GPRC5B: variants seen among roughly 807,000 people sequenced by gnomAD.
GPRC5B encodes G protein-coupled receptor class C group 5 member B.
GPRC5B carries 16 observed loss-of-function variants against 30.1 expected under a neutral mutation model. The ratio of observed to expected loss-of-function variants is 0.53; its 90% CI spans 0.36 to 0.81. The LOEUF (loss-of-function observed/expected upper bound fraction) is 0.81, where lower values mean the gene tolerates loss of function less well. Ranked by LOEUF, GPRC5B falls within the 30% of genes least tolerant of loss-of-function variation. The pLI, the probability that GPRC5B is intolerant of heterozygous loss-of-function variation, is 0.01. For missense variants in GPRC5B, 428 were observed against 544.7 expected, an observed-to-expected ratio of 0.79 and a Z score of 2.13; for synonymous variants, 241 against 239.5, an observed-to-expected ratio of 1.01 and a Z score of -0.06.
chr16:19,872,333 C>T lies in GPRC5B; in HGVS notation c.513G>A (p.Leu171=). ...ACTCCACAGCGATGATGACTTGCAC[C>T]AGCATCAGGCACAGCGCCAGGCCCA... is the stretch of plus-strand genomic sequence containing the variant. The part of the protein sequence containing the change: ...QLVGLALCLM[L]VQVIIAVEWL... The change falls in exon 2 of 4, where the codon CTG becomes CTA. Residue 171 remains leucine, a synonymous_variant. Transcript: ENST00000300571. The surrounding 1 kb of genome is among the most constrained non-coding windows in gnomAD (Gnocchi z 5.0). The T allele has an allele frequency of 6.2e-7, 1 of 1,614,050 alleles. No homozygotes were observed. Among genetic ancestry groups the T allele is most frequent in the Non-Finnish European group, 8.5e-7 (1 of 1,180,026 alleles).
chr16:19,862,721 C>T (rs1204454256), intron 2 of GPRC5B, among the ~76,000 whole-genome samples: 3 of 152,158 alleles, frequency 2.0e-5, no homozygotes, highest in Non-Finnish European at 4.4e-5. Flanking sequence ...GAGTTCGAGA[C>T]CAGCCTGGCC....
Position 19,872,982 on chromosome 16 carries a change from GGA to G in GPRC5B, c.-1-138_-1-137del. On this transcript the variant is annotated intron_variant, in intron 1 of 3. Transcript: ENST00000300571. This position sits in a 1 kb window ranked among gnomAD's most constrained non-coding sequence, Gnocchi z 5.0. ...CGCACACGGCACCTTTGCACACATA[GGA>G]AAACGTGCTCCTTTCCTCAGGCACG... 1 of 645,840 alleles carries G rather than the reference GGA, an allele frequency of 1.5e-6. No individual in the cohort carries two copies. The highest frequency in any genetic ancestry group is 2.7e-6 in the Non-Finnish European group (1 of 373,006). The allele number at this position is 645,840 out of a possible 1,614,324, so 40.0% of individuals were successfully genotyped here.
At chr16:19,878,765 C>T (rs1396191511) in intron 1 of GPRC5B, among the ~76,000 whole-genome samples, 1 of 152,152 alleles carries the variant, frequency 6.6e-6, no homozygotes, top group African/African-American at 2.4e-5. Context: ...GGTCTCCAAA[C>T]CTCACACCAC....
chr16:19,866,519 C>T (rs1329578673), intron 2 of GPRC5B, among the ~76,000 whole-genome samples: 1 of 151,972 alleles, frequency 6.6e-6, no homozygotes, highest in Non-Finnish European at 1.5e-5. Flanking sequence ...CACCACCATG[C>T]CCAGCTATTT....
At chr16:19,877,358 C>T (rs192721371) in intron 1 of GPRC5B, among the ~76,000 whole-genome samples, 1 of 152,304 alleles carries the variant, frequency 6.6e-6, no homozygotes, top group Admixed American at 6.5e-5. Context: ...CCAGGAAGTC[C>T]TCCGTACCCA....
intron 2 of GPRC5B, 160 bp from the exon 3 acceptor site, chr16:19,862,133 G>C (rs2056630647): frequency 1.6e-6 from 1 of 635,570 alleles, no homozygotes; most frequent in African/African-American, 1.8e-5. Flanking sequence ...AGTCACAAAG[G>C]GGCTTTGTTC....
chr16:19,872,110 T>C lies in GPRC5B; in HGVS notation c.736A>G (p.Ile246Val), dbSNP rs1319580100. 4 of 1,614,036 alleles carry C rather than the reference T, an allele frequency of 2.5e-6. No homozygotes were observed. The highest frequency in any genetic ancestry group is 3.4e-6 in the Non-Finnish European group (4 of 1,179,982). Reference sequence around the variant, plus strand: ...TACATGGTCATCCAGGCCACCCAGATGAGCACAGAGAGGAAGGCTGTGATG... The same window carrying C: ...TACATGGTCATCCAGGCCACCCAGACGAGCACAGAGAGGAAGGCTGTGATG... The part of the protein sequence containing the change: ...LLITAFLSVL[I>V]WVAWMTMYLF... The change falls in exon 2 of 4, where the codon ATC becomes GTC. Residue 246 changes from isoleucine (I) to valine (V), a missense_variant. Physicochemically the swap from Ile to Val is conservative, Grantham distance 29. Coordinates refer to ENST00000300571, the MANE Select transcript of GPRC5B (RefSeq NM_016235.3). This position sits in a 1 kb window ranked among gnomAD's most constrained non-coding sequence, Gnocchi z 5.0.
Position 19,858,250 on chromosome 16 carries a change from G to T in GPRC5B, c.*2250C>A, listed in dbSNP as rs566023622. On this transcript the variant is annotated 3_prime_UTR_variant, in exon 4 of 4. Transcript: ENST00000300571. ...CCGCCTCCGCCCCCATTATGAAGGC[G>T]TTCAGCCCACTCTCAACCTTAAAAG... 102 of 381,740 alleles carry T rather than the reference G, an allele frequency of 2.7e-4. No homozygotes were observed. The highest frequency in any genetic ancestry group is 4.2e-4 in the Non-Finnish European group (90 of 216,212). The allele number at this position is 381,740 out of a possible 1,614,324, so 23.6% of individuals were successfully genotyped here.
chr16:19,868,243 A>G (rs983326320), intron 2 of GPRC5B, among the ~76,000 whole-genome samples: 2 of 151,892 alleles, frequency 1.3e-5, no homozygotes, highest in Non-Finnish European at 2.9e-5. Context: ...GTGTGGTGGC[A>G]CACGGCTATA....
chr16:19,880,159 AAAT>A (rs2056793212), intron 1 of GPRC5B, among the ~76,000 whole-genome samples: 1 of 150,938 alleles, frequency 6.6e-6, no homozygotes, highest in Admixed American at 6.6e-5. Flanking sequence ...AAAATAAAAT[AAAT>A]AATAATAAAA....
rs1245708600 is a variant in GPRC5B at position 19,864,496 on chromosome 16, T to A, written c.1031-2523A>T. 2.0e-5 allele frequency among the ~76,000 whole-genome samples: 3 copies of A among 152,384 alleles called. No individual in the cohort carries two copies. In the South Asian group the frequency reaches 6.2e-4, roughly 32 times the overall value. ...AGCAGCAGGTGGGTGAAGTTGTATC[T>A]ATCTGAGGTCTCACTCAGTGGAAGG... On this transcript the variant is annotated intron_variant, in intron 2 of 3. Coordinates refer to ENST00000300571, the MANE Select transcript of GPRC5B (RefSeq NM_016235.3).
Position 19,858,115 on chromosome 16 carries a change from G to T in GPRC5B, c.*2385C>A. 5.6e-6 allele frequency: 1 copy of T among 178,214 alleles called. No individual in the cohort carries two copies. The highest frequency in any genetic ancestry group is 1.2e-5 in the Non-Finnish European group (1 of 85,630). 11.0% of individuals were successfully genotyped at this position (178,214 alleles called of 1,614,324 possible). A position where few individuals can be genotyped will look rare whatever the true frequency, so the allele number is the denominator to read the frequency against. On this transcript the variant is annotated 3_prime_UTR_variant, in exon 4 of 4. Coordinates refer to ENST00000300571, the MANE Select transcript of GPRC5B (RefSeq NM_016235.3). The stretch of plus-strand genomic sequence containing the variant: ...CCATTTAATTTTGTCTTTAAACCTT[G>T]CTCCACGGGGGGCAGCTGGCTGCTA...
intron 3 of GPRC5B, among the ~76,000 whole-genome samples, chr16:19,861,463 G>A (rs1007925245): frequency 2.6e-5 from 4 of 152,120 alleles, no homozygotes; most frequent in African/African-American, 7.2e-5. Flanking sequence ...AGGGGTGACC[G>A]GGGACCTTAA....
chr16:19,881,805 C>T (rs2056808859), intron 1 of GPRC5B, among the ~76,000 whole-genome samples: 1 of 152,204 alleles, frequency 6.6e-6, no homozygotes, highest in Non-Finnish European at 1.5e-5. Context: ...TCATGATTCC[C>T]ATTTTCCTGT....
rs1360544339 is a variant in GPRC5B, at chr16:19,872,111, G to A, written c.735C>T (p.Leu245=). 1 of 1,613,982 alleles carries A rather than the reference G, an allele frequency of 6.2e-7. No homozygotes were observed. Among genetic ancestry groups the A allele is most frequent in the East Asian group, 2.2e-5 (1 of 44,876 alleles). ...ACATGGTCATCCAGGCCACCCAGAT[G>A]AGCACAGAGAGGAAGGCTGTGATGA... ...FLLITAFLSV[L]IWVAWMTMYL... is the part of the protein sequence containing the mutation. Residue 245 remains leucine, a synonymous_variant, in exon 2 of 4, where the codon CTC becomes CTT. Coordinates refer to ENST00000300571, the MANE Select transcript of GPRC5B (RefSeq NM_016235.3). This position sits in a 1 kb window ranked among gnomAD's most constrained non-coding sequence, Gnocchi z 5.0.
intron 2 of GPRC5B, among the ~76,000 whole-genome samples, chr16:19,868,776 C>A (rs1217473567): frequency 6.6e-6 from 1 of 152,194 alleles, no homozygotes; most frequent in Admixed American, 6.5e-5. Flanking sequence ...TCCTAGAGAT[C>A]TGGCCAGGGG....
intron 2 of GPRC5B, among the ~76,000 whole-genome samples, chr16:19,864,911 A>ATTTTTTT (rs1163249399): frequency 1.6e-5 from 2 of 126,054 alleles, no homozygotes; most frequent in African/African-American, 3.0e-5. Flanking sequence ...GCCCGGTCTC[A>ATTTTTTT]TTTTTTTTTT....
rs1421025857 is a variant in GPRC5B at position 19,872,586 on chromosome 16, T to C, written c.260A>G (p.Lys87Arg). Residue 87 changes from lysine (K) to arginine (R), a missense_variant, in exon 2 of 4, where the codon AAG (lysine) becomes AGG (arginine). This residue lies in a region of GPRC5B where 196 missense variants were observed against 272.6 expected (regional missense o/e 0.72). Transcript: ENST00000300571. This position sits in a 1 kb window ranked among gnomAD's most constrained non-coding sequence, Gnocchi z 5.0. ...LLVRLPFIKE[K>R]EKKSPVGLHF... ...GAGGCCCACAGGGCTCTTCTTCTCC[T>C]TCTCCTTGATGAAGGGCAGCCGCAC... 6.2e-7 allele frequency: 1 copy of C among 1,613,980 alleles called. No individual in the cohort carries two copies. The highest frequency in any genetic ancestry group is 1.3e-5 in the African/African-American group (1 of 74,924).
At position 19,860,492 on chromosome 16, in the gene GPRC5B, A is replaced by T; in HGVS notation, c.*8T>A. On this transcript the variant is annotated 3_prime_UTR_variant, in exon 4 of 4. Coordinates refer to ENST00000300571, the MANE Select transcript of GPRC5B (RefSeq NM_016235.3). The stretch of plus-strand genomic sequence containing the variant: ...GAGAAATTCTGATTCTCTGGAACTT[A>T]AAGTCTTTCACCAAAGGTGTCTTCC... 1 of 1,563,696 alleles carries T rather than the reference A, an allele frequency of 6.4e-7. No homozygotes were observed. Among genetic ancestry groups the T allele is most frequent in the Non-Finnish European group, 8.8e-7 (1 of 1,134,404 alleles).
Sources: gnomAD v4.1 joint callset for allele counts (sites outside exome capture counted in the v4.1 genomes callset) on GRCh38, gnomAD v4.1.1 for gene constraint, gnomAD v4.1.1 regional missense constraint, Gnocchi (gnomAD v3.1) non-coding constraint, MANE v1.5 for transcripts, NCBI Gene and HGNC (gene_info 2026-07-23, HGNC 2026-07-21) for gene names.